Variants in ACTL8 observed in about 807,000 individuals in gnomAD.
ACTL8 encodes actin-like protein 8.
In ACTL8, 3 loss-of-function variants were observed where a neutral mutation model predicts 9.3. That is an observed-to-expected ratio of 0.32 (90% CI 0.15 to 0.83). ACTL8 has a LOEUF of 0.83. Ranked by LOEUF, ACTL8 falls within the 40% of genes least tolerant of loss-of-function variation. The pLI is 0.57. For missense variants in ACTL8, 381 were observed against 492.2 expected, an observed-to-expected ratio of 0.77 and a Z score of 2.14; for synonymous variants, 224 against 205.9, an observed-to-expected ratio of 1.09 and a Z score of -0.75.
rs72387933 is a variant in ACTL8 at position 17,802,424 on chromosome 1, C to CGTGTGTGTGTGTGT, written c.-24-20546_-24-20533dup. Among the ~76,000 whole-genome samples, 250 of 146,688 alleles carry CGTGTGTGTGTGTGT rather than the reference C, an allele frequency of 1.7e-3. 1 individual carries two copies. Among genetic ancestry groups the CGTGTGTGTGTGTGT allele is most frequent in the African/African-American group, 5.7e-3 (229 of 39,854 alleles). The stretch of plus-strand genomic sequence containing the variant: ...AGCAGATCCCGGATGACTGTGCGTG[C>CGTGTGTGTGTGTGT]GTGTGTGTGTGTGTGTGTGTGTGTG... On this transcript the variant is annotated intron_variant, in intron 1 of 2. Transcript: ENST00000375406.
chr1:17,816,754 C>T (rs965151063), intron 1 of ACTL8, among the ~76,000 whole-genome samples: 5 of 152,092 alleles, frequency 3.3e-5, no homozygotes, highest in African/African-American at 9.7e-5. Context: ...GACCTGTGCC[C>T]GTTCATATAT....
At chr1:17,815,161 T>C (rs867615709) in intron 1 of ACTL8, among the ~76,000 whole-genome samples, 6 of 152,346 alleles carry the variant, frequency 3.9e-5, no homozygotes, top group Middle Eastern at 6.8e-3. Flanking sequence ...CCTAGGTAAG[T>C]AGTAGGCTAT....
Position 17,766,968 on chromosome 1 carries a change from TC to T in ACTL8, c.-25+11466del, listed in dbSNP as rs543534575. Among the ~76,000 whole-genome samples, 17 of 152,324 alleles carry T rather than the reference TC, an allele frequency of 1.1e-4. No individual in the cohort carries two copies. In the South Asian group the frequency reaches 3.5e-3, roughly 32 times the overall value. On this transcript the variant is annotated intron_variant, in intron 1 of 2. Coordinates refer to ENST00000375406, the MANE Select transcript of ACTL8 (RefSeq NM_030812.3). ...AGACAAAGTTTTGCCCCCGTGCAGT[TC>T]CATTCTAGTTGGGGGAGACAAGATA... is the stretch of plus-strand genomic sequence containing the variant.
chr1:17,785,597 C>T lies in ACTL8; in HGVS notation c.-25+30093C>T, dbSNP rs1995440. 7.8e-3 allele frequency among the ~76,000 whole-genome samples: 1,184 copies of T among 152,354 alleles called. 18 individuals are homozygous for T. Among genetic ancestry groups the T allele is most frequent in the African/African-American group, 0.027 (1,105 of 41,586 alleles). On this transcript the variant is annotated intron_variant, in intron 1 of 2. Transcript: ENST00000375406. Reference sequence around the variant, plus strand: ...CTTAGATTTCAACCCTCTCATCCCACTGTGACAGGGATGCTTGTAGGGTCC... The same window carrying T: ...CTTAGATTTCAACCCTCTCATCCCATTGTGACAGGGATGCTTGTAGGGTCC...
At chr1:17,760,521 C>T (rs1007974387) in intron 1 of ACTL8, among the ~76,000 whole-genome samples, 3 of 152,268 alleles carry the variant, frequency 2.0e-5, no homozygotes, top group Admixed American at 1.3e-4. Flanking sequence ...AACAGGACTG[C>T]CATTTTTAGG....
chr1:17,783,141 A>G (rs374306061), intron 1 of ACTL8, among the ~76,000 whole-genome samples: 7 of 152,272 alleles, frequency 4.6e-5, no homozygotes, highest in Non-Finnish European at 8.8e-5. Context: ...AAGTAGCCCA[A>G]CAATCATTCA....
intron 1 of ACTL8, among the ~76,000 whole-genome samples, chr1:17,777,605 G>A (rs1033661794): frequency 4.6e-5 from 7 of 152,164 alleles, no homozygotes; most frequent in Non-Finnish European, 8.8e-5. Context: ...GCTTGGGCTC[G>A]TGGGAAAGAA....
chr1:17,792,341 A>G (rs1221054039), intron 1 of ACTL8, among the ~76,000 whole-genome samples: 1 of 152,148 alleles, frequency 6.6e-6, no homozygotes, highest in African/African-American at 2.4e-5. Flanking sequence ...GGCTGGTTTG[A>G]TCAAATGTGT....
intron 1 of ACTL8, among the ~76,000 whole-genome samples, chr1:17,795,273 GC>G (rs1339170099): frequency 6.6e-6 from 1 of 152,174 alleles, no homozygotes; most frequent in African/African-American, 2.4e-5. Context: ...GCAGAAGACA[GC>G]CCCTCCCCAC....
Position 17,825,939 on chromosome 1 carries a change from A to T in ACTL8, c.521A>T (p.Glu174Val). The change falls in exon 3 of 3, where the codon GAG becomes GTG. Residue 174 changes from glutamate (E) to valine (V), a missense_variant. Glu to Val is a moderately radical substitution (Grantham distance 121). This residue lies in a region of ACTL8 where 243 missense variants were observed against 276.2 expected (regional missense o/e 0.88). Transcript: ENST00000375406. Reference sequence around the variant, plus strand: ...TTGCCCGCCAGCGGCAAGACGCTGGAGTTCGCCGGCCAGGATCTCTCCGCC... The same window carrying T: ...TTGCCCGCCAGCGGCAAGACGCTGGTGTTCGCCGGCCAGGATCTCTCCGCC... ...RPLPASGKTL[E>V]FAGQDLSAYL... The T allele has an allele frequency of 6.2e-7, 1 of 1,611,694 alleles. No homozygotes were observed.
intron 1 of ACTL8, among the ~76,000 whole-genome samples, chr1:17,783,687 C>G (rs913646407): frequency 6.6e-6 from 1 of 152,180 alleles, no homozygotes; most frequent in Non-Finnish European, 1.5e-5. Context: ...GAGATGTCAC[C>G]TCCAGGCCTC....
intron 1 of ACTL8, among the ~76,000 whole-genome samples, chr1:17,789,573 C>T (rs938053843): frequency 1.1e-4 from 16 of 151,976 alleles, no homozygotes; most frequent in Non-Finnish European, 2.9e-5. Flanking sequence ...CAAAACTGGC[C>T]CTCAATACAG....
chr1:17,785,742 C>A (rs2066192672), intron 1 of ACTL8, among the ~76,000 whole-genome samples: 1 of 152,128 alleles, frequency 6.6e-6, no homozygotes. Context: ...TCTTTTATTT[C>A]TTAATTTGAT....
chr1:17,788,891 T>A (rs912293997), intron 1 of ACTL8, among the ~76,000 whole-genome samples: 5 of 152,226 alleles, frequency 3.3e-5, no homozygotes, highest in Non-Finnish European at 7.3e-5. Flanking sequence ...GGCCCCTGTG[T>A]GACAGCTGAC....
intron 1 of ACTL8, among the ~76,000 whole-genome samples, chr1:17,795,063 G>A (rs752669938): frequency 3.0e-4 from 46 of 152,358 alleles, no homozygotes; most frequent in East Asian, 1.9e-4. Flanking sequence ...TGTTCAAATA[G>A]TTTAGAAGAG....
intron 1 of ACTL8, among the ~76,000 whole-genome samples, chr1:17,802,890 CAGG>C (rs1354592142): frequency 6.6e-6 from 1 of 152,258 alleles, no homozygotes; most frequent in East Asian, 1.9e-4. Context: ...GAGGCTGAGG[CAGG>C]AGGATTGCTT....
rs59143238 is a variant in ACTL8 at position 17,800,583 on chromosome 1, C to CTTTTTTTTTTTTTTTTT, written c.-24-22391_-24-22375dup. Among the ~76,000 whole-genome samples, 96 of 69,156 alleles carry CTTTTTTTTTTTTTTTTT rather than the reference C, an allele frequency of 1.4e-3. 8 individuals carry two copies. Among genetic ancestry groups the CTTTTTTTTTTTTTTTTT allele is most frequent in the African/African-American group, 6.0e-3 (93 of 15,486 alleles). The allele number at this position is 69,156 out of a possible 152,430, so 45.4% of individuals were successfully genotyped here. On this transcript the variant is annotated intron_variant, in intron 1 of 2. Transcript: ENST00000375406. Reference sequence around the variant, plus strand: ...CAAACTTCCTTGCCTTGGTGTCAATCTTTTTTTTTTTTTTTTTTTTTTTTT... The same window carrying CTTTTTTTTTTTTTTTTT: ...CAAACTTCCTTGCCTTGGTGTCAATCTTTTTTTTTTTTTTTTTTTTTTTTTTTTTTTTTTTTTTTTTT...
intron 1 of ACTL8, among the ~76,000 whole-genome samples, chr1:17,815,382 T>G (rs2066419753): frequency 6.6e-6 from 1 of 152,224 alleles, no homozygotes; most frequent in Non-Finnish European, 1.5e-5. Context: ...CATCTAAGAA[T>G]GTCTTAACTT....
intron 1 of ACTL8, among the ~76,000 whole-genome samples, chr1:17,822,328 T>C (rs2053670345): frequency 1.3e-5 from 2 of 152,162 alleles, no homozygotes; most frequent in Admixed American, 1.3e-4. Context: ...ATTAAATGAG[T>C]CCATGTATCA....
Sources: allele counts gnomAD v4.1 joint callset (sites outside exome capture counted in the v4.1 genomes callset), GRCh38; gene constraint gnomAD v4.1.1; regional missense constraint gnomAD v4.1.1; transcripts MANE v1.5; gene names NCBI Gene and HGNC (gene_info 2026-07-23, HGNC 2026-07-21).